KCNQ1: variants seen among roughly 807,000 people sequenced by gnomAD.
KCNQ1 encodes potassium voltage-gated channel subfamily KQT member 1.
KCNQ1 carries 49 observed loss-of-function variants against 72.4 expected under a neutral mutation model. That is an observed-to-expected ratio of 0.68 (90% CI 0.54 to 0.86). The LOEUF (loss-of-function observed/expected upper bound fraction) is 0.86, where lower values mean the gene tolerates loss of function less well. KCNQ1 is among the 40% of genes least tolerant of loss of function. The pLI, the probability that KCNQ1 is intolerant of heterozygous loss-of-function variation, is 0.00. For synonymous variants in KCNQ1, 450 were observed against 412.6 expected (o/e 1.09, Z -1.10); for missense variants, 790 against 945.1 (o/e 0.84, Z 2.15).
At position 2,620,679 on chromosome 11, in the gene KCNQ1, A is replaced by G. The variant is rs1849154807; in HGVS notation, c.1393+31825A>G. 2.5e-6 allele frequency: 1 copy of G among 398,420 alleles called. No individual in the cohort carries two copies. The highest frequency in any genetic ancestry group is 2.1e-5 in the African/African-American group (1 of 48,606). 24.7% of individuals were successfully genotyped at this position (398,420 alleles called of 1,614,324 possible). A position where few individuals can be genotyped will look rare whatever the true frequency, so the allele number is the denominator to read the frequency against. The stretch of plus-strand genomic sequence containing the variant: ...AATGCATGTGTCTTTTTGATAGAAC[A>G]ATTTATTTTCCTTTGAATATATATC... On this transcript the variant is annotated intron_variant, in intron 10 of 15. Coordinates refer to ENST00000155840, the MANE Select transcript of KCNQ1 (RefSeq NM_000218.3). The surrounding 1 kb of genome is among the most constrained non-coding windows in gnomAD (Gnocchi z 4.5).
intron 15 of KCNQ1, among the ~76,000 whole-genome samples, chr11:2,836,979 T>C (rs933406967): frequency 2.5e-4 from 38 of 152,144 alleles, no homozygotes; most frequent in Admixed American, 2.5e-3. Context: ...GAAGCAAACA[T>C]GTGAGGCGTT....
At chr11:2,714,391 G>C (rs1049087231) in intron 11 of KCNQ1, among the ~76,000 whole-genome samples, 1 of 152,206 alleles carries the variant, frequency 6.6e-6, no homozygotes, top group East Asian at 1.9e-4. Flanking sequence ...TGGGGCTCCC[G>C]GGGTAGGGCT....
At position 2,588,888 on chromosome 11, in the gene KCNQ1, G is replaced by A. The variant is rs746513714; in HGVS notation, c.1393+34G>A. 1 of 1,608,358 alleles carries A rather than the reference G, an allele frequency of 6.2e-7. No individual in the cohort carries two copies. The highest frequency in any genetic ancestry group is 8.5e-7 in the Non-Finnish European group (1 of 1,179,224). On this transcript the variant is annotated intron_variant, in intron 10 of 15. Transcript: ENST00000155840. This position sits in a 1 kb window ranked among gnomAD's most constrained non-coding sequence, Gnocchi z 5.6. ...CCCTCAGGCAGTTGGGGGCCGCGGG[G>A]CCGGGAAGGTCACTGCCTTTTTTGG...
chr11:2,576,882 G>A (rs1049014846), intron 6 of KCNQ1, among the ~76,000 whole-genome samples: 1 of 152,236 alleles, frequency 6.6e-6, no homozygotes, highest in Non-Finnish European at 1.5e-5. Flanking sequence ...CTGGGTCAGC[G>A]TTCTTCCTCC....
intron 1 of KCNQ1, among the ~76,000 whole-genome samples, chr11:2,453,312 G>T (rs1049617101): frequency 5.3e-5 from 8 of 152,188 alleles, no homozygotes; most frequent in Admixed American, 5.2e-4. Flanking sequence ...GGTGGAGGTT[G>T]CAGTGAGCCG....
rs1849000672 is a variant in KCNQ1 at position 2,612,717 on chromosome 11, T to C, written c.1393+23863T>C. The stretch of plus-strand genomic sequence containing the variant: ...TAATACTTACTTTGAAATCGCGCCC[T>C]AACATTTGGGGCCCTTCAGAGATAA... On this transcript the variant is annotated intron_variant, in intron 10 of 15. Coordinates refer to ENST00000155840, the MANE Select transcript of KCNQ1 (RefSeq NM_000218.3). The surrounding 1 kb of genome is among the most constrained non-coding windows in gnomAD (Gnocchi z 5.5). 1 of 398,606 alleles carries C rather than the reference T, an allele frequency of 2.5e-6. No homozygotes were observed. The highest frequency in any genetic ancestry group is 3.6e-5 in the East Asian group (1 of 28,060). 24.7% of individuals were successfully genotyped at this position (398,606 alleles called of 1,614,324 possible).
chr11:2,660,735 A>T, intron 10 of KCNQ1: 1 of 398,646 alleles, frequency 2.5e-6, no homozygotes, highest in Non-Finnish European at 4.4e-6. Context: ...CACTTCATTC[A>T]GGCATGGATG....
intron 10 of KCNQ1, chr11:2,644,101 T>C (rs1308083778): frequency 5.0e-6 from 2 of 398,590 alleles, no homozygotes; most frequent in Non-Finnish European, 8.8e-6. Context: ...TGTATCTATT[T>C]AGGGTTCTGA....
At position 2,723,823 on chromosome 11, in the gene KCNQ1, G is replaced by T. The variant is rs750387482; in HGVS notation, c.1515-45021G>T. ...TGCACATGTACTCCAGCCTCTCTGT[G>T]TCCCATTTGCTCATGACATGGTGGT... On this transcript the variant is annotated intron_variant, in intron 11 of 15. Transcript: ENST00000155840. This position sits in a 1 kb window ranked among gnomAD's most constrained non-coding sequence, Gnocchi z 4.2. Among the ~76,000 whole-genome samples, 2 of 152,216 alleles carry T rather than the reference G, an allele frequency of 1.3e-5. No individual in the cohort carries two copies. Among genetic ancestry groups the T allele is most frequent in the Non-Finnish European group, 2.9e-5 (2 of 68,042 alleles).
At chr11:2,513,608 C>T (rs977554066) in intron 1 of KCNQ1, among the ~76,000 whole-genome samples, 2 of 152,232 alleles carry the variant, frequency 1.3e-5, no homozygotes, top group African/African-American at 4.8e-5. Flanking sequence ...CTGGGAGAGA[C>T]AGCCACCCGC....
At chr11:2,733,830 T>TCTCA (rs1564875351) in intron 11 of KCNQ1, among the ~76,000 whole-genome samples, 33 of 30,802 alleles carry the variant, frequency 1.1e-3, no homozygotes, top group African/African-American at 3.7e-3. Context: ...TCACTCTCTC[T>TCTCA]CTCTCTCTCT....
Position 2,492,912 on chromosome 11 carries a change from T to C in KCNQ1, c.387-35016T>C, listed in dbSNP as rs1298512418. ...TCAAATGGTATTTCTAGTTCTAGAA[T>C]CTAGTTCTAGAATCACCACGCTGTC... On this transcript the variant is annotated intron_variant, in intron 1 of 15. Coordinates refer to ENST00000155840, the MANE Select transcript of KCNQ1 (RefSeq NM_000218.3). The surrounding 1 kb of genome is among the most constrained non-coding windows in gnomAD (Gnocchi z 4.1). Among the ~76,000 whole-genome samples the C allele has an allele frequency of 6.6e-6, 1 of 151,846 alleles. No homozygotes were observed. Among genetic ancestry groups the C allele is most frequent in the Non-Finnish European group, 1.5e-5 (1 of 67,840 alleles).
At chr11:2,773,892 G>C (rs1197937552) in intron 12 of KCNQ1, among the ~76,000 whole-genome samples, 1 of 148,112 alleles carries the variant, frequency 6.8e-6, no homozygotes, top group Non-Finnish European at 1.5e-5. Flanking sequence ...CCTTACAGAA[G>C]GGGAGGATTG....
rs1365771542 is a variant in KCNQ1 at position 2,612,752 on chromosome 11, A to G, written c.1393+23898A>G. On this transcript the variant is annotated intron_variant, in intron 10 of 15. Coordinates refer to ENST00000155840, the MANE Select transcript of KCNQ1 (RefSeq NM_000218.3). The surrounding 1 kb of genome is among the most constrained non-coding windows in gnomAD (Gnocchi z 5.5). Reference sequence around the variant, plus strand: ...GGCCCTTCAGAGATAATTCCTATTTATTGCTCATTATTCTTGTTCAAGGGT... The same window carrying G: ...GGCCCTTCAGAGATAATTCCTATTTGTTGCTCATTATTCTTGTTCAAGGGT... 11 of 398,304 alleles carry G rather than the reference A, an allele frequency of 2.8e-5. No individual in the cohort carries two copies. Among genetic ancestry groups the G allele is most frequent in the Non-Finnish European group, 4.9e-5 (11 of 226,016 alleles). 24.7% of individuals were successfully genotyped at this position (398,304 alleles called of 1,614,324 possible).
At chr11:2,763,222 C>T (rs1166673531) in intron 11 of KCNQ1, among the ~76,000 whole-genome samples, 1 of 152,090 alleles carries the variant, frequency 6.6e-6, no homozygotes, top group Admixed American at 6.5e-5. Flanking sequence ...ATCTGTCTCT[C>T]CAATGCTCAG....
intron 15 of KCNQ1, among the ~76,000 whole-genome samples, chr11:2,798,686 T>C (rs1847193456): frequency 6.6e-6 from 1 of 152,232 alleles, no homozygotes; most frequent in Non-Finnish European, 1.5e-5. Context: ...TTACTTATGG[T>C]CTGGAAATTA....
chr11:2,777,824 C>G (rs1846737753), intron 14 of KCNQ1, 152 bp from the exon 15 acceptor site: 5 of 686,918 alleles, frequency 7.3e-6, no homozygotes, highest in Non-Finnish European at 1.0e-5. Context: ...GTATTTTTGT[C>G]ATAGCATGCT....
chr11:2,669,042 TG>T lies in KCNQ1; in HGVS notation c.1514+6964del. Reference sequence around the variant, plus strand: ...ATCCAGTCTAGCTCAGCACCCGGCATGGGAAGGCCCGTCCTCTCCCAACTAC... The same window carrying T: ...ATCCAGTCTAGCTCAGCACCCGGCATGGAAGGCCCGTCCTCTCCCAACTAC... On this transcript the variant is annotated intron_variant, in intron 11 of 15. Coordinates refer to ENST00000155840, the MANE Select transcript of KCNQ1 (RefSeq NM_000218.3). This position sits in a 1 kb window ranked among gnomAD's most constrained non-coding sequence, Gnocchi z 5.6. The T allele has an allele frequency of 2.5e-6, 1 of 398,720 alleles. No individual in the cohort carries two copies. The allele number at this position is 398,720 out of a possible 1,614,324, so 24.7% of individuals were successfully genotyped here. A position where few individuals can be genotyped will look rare whatever the true frequency, so the allele number is the denominator to read the frequency against.
chr11:2,740,872 C>T (rs1846039413), intron 11 of KCNQ1, among the ~76,000 whole-genome samples: 1 of 152,230 alleles, frequency 6.6e-6, no homozygotes, highest in African/African-American at 2.4e-5. Flanking sequence ...TATCAGGACC[C>T]TTGTCATCAC....
Sources: allele counts gnomAD v4.1 joint callset (sites outside exome capture counted in the v4.1 genomes callset), GRCh38; gene constraint gnomAD v4.1.1; non-coding constraint Gnocchi (gnomAD v3.1); transcripts MANE v1.5; gene names NCBI Gene and HGNC (gene_info 2026-07-23, HGNC 2026-07-21).